The following OSBPL9 variants were observed in gnomAD, a reference collection of about 807,000 sequenced individuals.
The protein encoded by OSBPL9 is oxysterol binding protein like 9.
In OSBPL9, 40 loss-of-function variants were observed where a neutral mutation model predicts 106.6. The ratio of observed to expected loss-of-function variants is 0.38; its 90% confidence interval spans 0.29 to 0.49. The LOEUF is 0.49. Among genes scored for constraint, OSBPL9 ranks in the 20% least tolerant of loss-of-function variants. OSBPL9 has a pLI of 0.97. For missense variants in OSBPL9, 609 were observed against 887.2 expected (o/e 0.69, Z 3.98); for synonymous variants, 269 against 295.4 (o/e 0.91, Z 0.92).
In OSBPL9 at chr1:51,765,823, C is replaced by A. The variant is rs1286714001; in HGVS notation, c.780C>A (p.Gly260=). ...TCTAAAACCCTTTTAACTTCCTAGG[C>A]AGTGGCCATTCACCACCGAGTAGCA... The part of the protein sequence containing the change: ...HHQTPTPNST[G]SGHSPPSSSL... Residue 260 remains glycine, a splice_region_variant and synonymous_variant, in exon 12 of 24, where the codon GGC becomes GGA. Coordinates refer to ENST00000428468, the MANE Select transcript of OSBPL9 (RefSeq NM_024586.6). The A allele has an allele frequency of 3.1e-6, 5 of 1,610,150 alleles. No individual in the cohort carries two copies. Among genetic ancestry groups the A allele is most frequent in the Non-Finnish European group, 4.2e-6 (5 of 1,178,564 alleles).
chr1:51,668,798 T>G (rs1394626649), intron 2 of OSBPL9, among the ~76,000 whole-genome samples: 1 of 152,186 alleles, frequency 6.6e-6, no homozygotes, highest in African/African-American at 2.4e-5. Flanking sequence ...AGTATGTACT[T>G]AAGTGCCATG....
intron 15 of OSBPL9, among the ~76,000 whole-genome samples, chr1:51,779,001 A>C (rs1290731311): frequency 6.6e-6 from 1 of 152,250 alleles, no homozygotes; most frequent in African/African-American, 2.4e-5. Context: ...GCAATTAAGC[A>C]ATGCACTTAC....
chr1:51,719,167 C>A (rs1291316498), intron 4 of OSBPL9, among the ~76,000 whole-genome samples: 1 of 152,216 alleles, frequency 6.6e-6, no homozygotes, highest in Non-Finnish European at 1.5e-5. Context: ...CTCCCCAAAG[C>A]AAATTGTAAT....
In OSBPL9 at chr1:51,784,307, A is replaced by T. The variant is rs779132825; in HGVS notation, c.1668A>T (p.Thr556=). Residue 556 remains threonine, a synonymous_variant, in exon 19 of 24, where the codon ACA becomes ACT. Coordinates refer to ENST00000428468, the MANE Select transcript of OSBPL9 (RefSeq NM_024586.6). ...ACTATGATGAACATTACATTCTCAC[A>T]TTCCCCAATGGCTATGGAAGGCAAG... ...CLDYDEHYIL[T]FPNGYGRSIL... 6.2e-7 allele frequency: 1 copy of T among 1,613,974 alleles called. No homozygotes were observed. The highest frequency in any genetic ancestry group is 8.5e-7 in the Non-Finnish European group (1 of 1,179,852).
At chr1:51,741,923 C>T (rs550862164) in intron 4 of OSBPL9, among the ~76,000 whole-genome samples, 22 of 152,136 alleles carry the variant, frequency 1.4e-4, no homozygotes, top group Admixed American at 4.6e-4. Flanking sequence ...GCCAATAATG[C>T]GACATAATCC....
intron 1 of OSBPL9, among the ~76,000 whole-genome samples, chr1:51,588,547 G>T (rs942776157): frequency 2.6e-5 from 4 of 151,660 alleles, no homozygotes; most frequent in African/African-American, 9.7e-5. Context: ...AACTACTCAG[G>T]GGCTGAAGTG....
chr1:51,765,549 G>T lies in OSBPL9; in HGVS notation c.779-273G>T, dbSNP rs575526382. ...CTCCACAACTCATATAATCAAAAGG[G>T]CCCCCTTCCTAGTATTAATGATAAT... On this transcript the variant is annotated intron_variant, in intron 11 of 23. Coordinates refer to ENST00000428468, the MANE Select transcript of OSBPL9 (RefSeq NM_024586.6). 6.6e-5 allele frequency: 14 copies of T among 211,924 alleles called. No homozygotes were observed. In the South Asian group the frequency reaches 7.9e-4, roughly 12 times the overall value. The allele number at this position is 211,924 out of a possible 1,614,324, so 13.1% of individuals were successfully genotyped here. A position where few individuals can be genotyped will look rare whatever the true frequency, so the allele number is the denominator to read the frequency against.
At chr1:51,749,102 A>T (rs1571518673) in intron 7 of OSBPL9, among the ~76,000 whole-genome samples, 1 of 151,700 alleles carries the variant, frequency 6.6e-6, no homozygotes, top group Non-Finnish European at 1.5e-5. Context: ...AAAAAAAGTG[A>T]TGGGATTATA....
chr1:51,538,514 C>G, the OSBPL9 span: 1 of 151,852 alleles, frequency 6.6e-6, no homozygotes, highest in Non-Finnish European at 1.5e-5. Flanking sequence ...TAGTTTGGTT[C>G]ACTTGTTTCT....
chr1:51,641,867 A>C (rs1479299921), intron 1 of OSBPL9, among the ~76,000 whole-genome samples: 1 of 152,206 alleles, frequency 6.6e-6, no homozygotes, highest in African/African-American at 2.4e-5. Flanking sequence ...GAATCTAGAT[A>C]TCCTAAGGTG....
chr1:51,533,873 A>T, the OSBPL9 span, among the ~76,000 whole-genome samples: 2 of 123,954 alleles, frequency 1.6e-5, no homozygotes, highest in Admixed American at 9.5e-5. Flanking sequence ...GCAGAGGAAT[A>T]GATAATACTG....
chr1:51,681,758 A>G (rs1013889857), intron 3 of OSBPL9, among the ~76,000 whole-genome samples: 6 of 151,986 alleles, frequency 3.9e-5, no homozygotes, highest in Non-Finnish European at 7.4e-5. Context: ...GCAGATGCCC[A>G]CACCCCTTAT....
chr1:51,746,590 A>G (rs376121535), intron 5 of OSBPL9, 120 bp from the exon 6 acceptor site: 5 of 707,072 alleles, frequency 7.1e-6, no homozygotes, highest in Admixed American at 2.7e-5. Context: ...TGAAAATAAC[A>G]TATAAATCAT....
intron 2 of OSBPL9, among the ~76,000 whole-genome samples, chr1:51,602,509 A>G (rs894052058): frequency 1.5e-5 from 2 of 135,736 alleles, no homozygotes; most frequent in African/African-American, 5.7e-5. Context: ...TGGAACCCTG[A>G]CCTCCTGGGC....
At chr1:51,602,884 G>A (rs1180851664) in intron 2 of OSBPL9, among the ~76,000 whole-genome samples, 2 of 152,206 alleles carry the variant, frequency 1.3e-5, no homozygotes. Context: ...GGGCTGGGGT[G>A]GTGGCTCACA....
chr1:51,767,602 A>G (rs1238777907), intron 12 of OSBPL9, among the ~76,000 whole-genome samples: 2 of 152,184 alleles, frequency 1.3e-5, no homozygotes, highest in South Asian at 2.1e-4. Flanking sequence ...TTGCAAGCCA[A>G]TTACCTTCAG....
intron 4 of OSBPL9, among the ~76,000 whole-genome samples, chr1:51,741,981 A>G (rs1045602034): frequency 1.3e-5 from 2 of 152,158 alleles, no homozygotes; most frequent in Non-Finnish European, 2.9e-5. Context: ...GAAAGACAAC[A>G]TGGAGAAAAG....
At chr1:51,740,565 ATAACT>A (rs1426177537) in intron 4 of OSBPL9, among the ~76,000 whole-genome samples, 6 of 152,194 alleles carry the variant, frequency 3.9e-5, no homozygotes, top group African/African-American at 1.4e-4. Context: ...GAGACAAAGA[ATAACT>A]TACTTCTAAT....
Position 51,586,030 on chromosome 1 carries a change from G to A in OSBPL9, c.-423+8774G>A, listed in dbSNP as rs371984072. 6.9e-4 allele frequency among the ~76,000 whole-genome samples: 104 copies of A among 151,010 alleles called. No homozygotes were observed. In the South Asian group the frequency reaches 0.015, roughly 22 times the overall value. The stretch of plus-strand genomic sequence containing the variant: ...TCTACTAATGATACAAAAATTAGCC[G>A]GGCATAGGTGGCGCACACCTGTAAT... On this transcript the variant is annotated intron_variant, in intron 1 of 25. Transcript: ENST00000371714.
Sources: allele counts gnomAD v4.1 joint callset (sites outside exome capture counted in the v4.1 genomes callset), GRCh38; gene constraint gnomAD v4.1.1; transcripts MANE v1.5; gene names NCBI Gene and HGNC (gene_info 2026-07-23, HGNC 2026-07-21).